Variants in ARHGAP21 observed in about 807,000 individuals in gnomAD.
The protein encoded by ARHGAP21 is rho GTPase-activating protein 21.
A neutral mutation model predicts 164.6 loss-of-function variants in ARHGAP21; 38 were observed. That is an observed-to-expected ratio of 0.23 (90% CI 0.18 to 0.30). The LOEUF (loss-of-function observed/expected upper bound fraction) is 0.30. Ranked by LOEUF, ARHGAP21 falls within the 10% of genes least tolerant of loss-of-function variation. The probability of loss-of-function intolerance (pLI) is 1.00; values close to 1 mark genes in which losing one functional copy is unlikely to be tolerated. For synonymous variants in ARHGAP21, 766 were observed against 857.9 expected, an observed-to-expected ratio of 0.89 and a Z score of 1.87; for missense variants, 1,822 against 2,370.7, an observed-to-expected ratio of 0.77 and a Z score of 4.81.
chr10:24,667,556 C>T lies in ARHGAP21; in HGVS notation c.244-547G>A, dbSNP rs578192269. 1.1e-4 allele frequency among the ~76,000 whole-genome samples: 16 copies of T among 152,286 alleles called. No homozygotes were observed. The South Asian group carries it at 3.3e-3, about 32-fold the overall frequency. On this transcript the variant is annotated intron_variant, in intron 3 of 25. Coordinates refer to ENST00000396432, the MANE Select transcript of ARHGAP21 (RefSeq NM_020824.4). ...GTCTCTTTCATTGTTACCAAGCTGT[C>T]TTGCTGCCATGTTATCTACCTCTAG...
chr10:24,664,470 C>T (rs904046256), intron 4 of ARHGAP21, among the ~76,000 whole-genome samples: 7 of 151,396 alleles, frequency 4.6e-5, no homozygotes, highest in Non-Finnish European at 7.4e-5. Flanking sequence ...GCAGGAGAAT[C>T]GCTTGAACCC....
chr10:24,680,133 T>TATCCAA (rs2131877839), intron 2 of ARHGAP21, among the ~76,000 whole-genome samples: 1 of 152,360 alleles, frequency 6.6e-6, no homozygotes, highest in Non-Finnish European at 1.5e-5. Context: ...AGATTGTGGC[T>TATCCAA]GGTTTACATC....
chr10:24,712,138 A>G (rs1844894182), intron 2 of ARHGAP21, among the ~76,000 whole-genome samples: 1 of 152,022 alleles, frequency 6.6e-6, no homozygotes, highest in African/African-American at 2.4e-5. Context: ...GTGGTCTCGA[A>G]CTCCTGACCT....
intron 4 of ARHGAP21, among the ~76,000 whole-genome samples, chr10:24,657,338 G>A (rs1418924441): frequency 6.1e-5 from 4 of 65,702 alleles, no homozygotes; most frequent in Admixed American, 2.3e-4. Context: ...CGCCCCGTCC[G>A]GGAGGTGAGG....
At chr10:24,596,412 T>TA (rs2076582884) in intron 17 of ARHGAP21, 2 of 479,864 alleles carry the variant, frequency 4.2e-6, no homozygotes, top group Non-Finnish European at 7.2e-6. Context: ...TATATGCACA[T>TA]ACATTTACAT....
At chr10:24,595,557 C>A (rs2076545291) in intron 19 of ARHGAP21, among the ~76,000 whole-genome samples, 160 bp downstream of exon 19, 1 of 152,152 alleles carries the variant, frequency 6.6e-6, no homozygotes, top group Non-Finnish European at 1.5e-5. Context: ...TTCACTGAAC[C>A]TAAATAACTT....
Position 24,670,256 on chromosome 10 carries a change from C to A in ARHGAP21, c.205G>T (p.Val69Phe). 6.3e-7 allele frequency: 1 copy of A among 1,598,260 alleles called. No individual in the cohort carries two copies. Among genetic ancestry groups the A allele is most frequent in the African/African-American group, 1.3e-5 (1 of 74,374 alleles). ...GFGFTLRHFI[V>F]YPPESAIQFS... Reference sequence around the variant, plus strand: ...TGAATTGCAGACTCTGGGGGATAAACAATAAAATGTCTTAATGTAAAACCA... The same window carrying A: ...TGAATTGCAGACTCTGGGGGATAAAAAATAAAATGTCTTAATGTAAAACCA... Residue 69 changes from valine to phenylalanine, a missense_variant, in exon 3 of 26, where the codon GTT becomes TTT. Around this residue, in one of 5 missense-constraint regions of ARHGAP21, gnomAD observed 1,090 missense variants for 1,378.9 expected, o/e 0.79. Coordinates refer to ENST00000396432, the MANE Select transcript of ARHGAP21 (RefSeq NM_020824.4).
chr10:24,604,593 A>G lies in ARHGAP21; in HGVS notation c.2685-245T>C, dbSNP rs570095823. 6.6e-5 allele frequency among the ~76,000 whole-genome samples: 10 copies of G among 152,072 alleles called. No homozygotes were observed. The East Asian group carries it at 1.9e-3, about 29-fold the overall frequency. Reference sequence around the variant, plus strand: ...AAATTGTTTCTGCTTGAAGTGTGGGATTTTCTTTTTTTTATCAAAGAAAAA... The same window carrying G: ...AAATTGTTTCTGCTTGAAGTGTGGGGTTTTCTTTTTTTTATCAAAGAAAAA... On this transcript the variant is annotated intron_variant, in intron 11 of 25. Coordinates refer to ENST00000396432, the MANE Select transcript of ARHGAP21 (RefSeq NM_020824.4).
At chr10:24,693,617 T>C (rs1842921937) in intron 2 of ARHGAP21, among the ~76,000 whole-genome samples, 1 of 152,058 alleles carries the variant, frequency 6.6e-6, no homozygotes, top group African/African-American at 2.4e-5. Flanking sequence ...CCTCCCAAAG[T>C]GCTGGGATTA....
Position 24,670,329 on chromosome 10 carries a change from G to A in ARHGAP21, c.132C>T (p.Ser44=). 1 of 1,608,788 alleles carries A rather than the reference G, an allele frequency of 6.2e-7. No individual in the cohort carries two copies. The highest frequency in any genetic ancestry group is 8.5e-7 in the Non-Finnish European group (1 of 1,176,902). ...TVSLSEDETF[S]WPGPKTVTLK... ...ACGTAACTGTTTTGGGACCTGGCCA[G>A]GAGAATGTTTCATCTTCAGACAGTG... The change falls in exon 3 of 26, where the codon TCC becomes TCT. Residue 44 remains serine, a synonymous_variant. Transcript: ENST00000396432.
At chr10:24,690,930 C>G (rs1842720475) in intron 2 of ARHGAP21, among the ~76,000 whole-genome samples, 1 of 151,262 alleles carries the variant, frequency 6.6e-6, no homozygotes, top group Non-Finnish European at 1.5e-5. Flanking sequence ...AAGGCAGATA[C>G]AATATAGTCT....
Position 24,584,575 on chromosome 10 carries a change from G to A in ARHGAP21, c.5714C>T (p.Ser1905Leu). ...TATGGAAAGAAGGGGCCTGTTTGTT[G>A]AAGCCAAGGTGCTGGAAGAACTGCC... ...NTGSSSSTLA[S>L]TNRPLLSIPP... Residue 1905 changes from serine (S) to leucine (L), a missense_variant, in exon 26 of 26, where the codon TCA becomes TTA. This residue lies in a region of ARHGAP21 where 165 missense variants were observed against 176.6 expected (regional missense o/e 0.93). Coordinates refer to ENST00000396432, the MANE Select transcript of ARHGAP21 (RefSeq NM_020824.4). 1 of 1,613,948 alleles carries A rather than the reference G, an allele frequency of 6.2e-7. No homozygotes were observed. The highest frequency in any genetic ancestry group is 1.1e-5 in the South Asian group (1 of 91,072).
At chr10:24,656,538 G>A (rs1393066093) in intron 4 of ARHGAP21, among the ~76,000 whole-genome samples, 59 of 90,430 alleles carry the variant, frequency 6.5e-4, no homozygotes, top group Non-Finnish European at 1.0e-3. Flanking sequence ...CCCCCCGCCC[G>A]GCCAGCCGCC....
chr10:24,699,987 T>C (rs1843511903), intron 2 of ARHGAP21, among the ~76,000 whole-genome samples: 1 of 152,144 alleles, frequency 6.6e-6, no homozygotes, highest in Non-Finnish European at 1.5e-5. Flanking sequence ...AGGTGTTTTT[T>C]TTCCTCCCCT....
chr10:24,655,367 C>T (rs1350925920), intron 4 of ARHGAP21, among the ~76,000 whole-genome samples: 1 of 152,164 alleles, frequency 6.6e-6, no homozygotes, highest in Non-Finnish European at 1.5e-5. Context: ...TTACAATCTA[C>T]CCATCTGACA....
intron 2 of ARHGAP21, among the ~76,000 whole-genome samples, chr10:24,721,534 T>G (rs765957022): frequency 1.3e-5 from 2 of 152,142 alleles, no homozygotes; most frequent in Non-Finnish European, 2.9e-5. Context: ...AGGTGCCCAT[T>G]CTCAGGCTTG....
intron 13 of ARHGAP21, among the ~76,000 whole-genome samples, 192 bp downstream of exon 13, chr10:24,601,786 A>T (rs2076824433): frequency 6.6e-6 from 1 of 152,218 alleles, no homozygotes; most frequent in Admixed American, 6.5e-5. Context: ...CAGGACAAAA[A>T]GTACCAAATT....
At chr10:24,597,754 A>G (rs1334366102) in intron 15 of ARHGAP21, among the ~76,000 whole-genome samples, 171 bp from the exon 16 acceptor site, 1 of 152,224 alleles carries the variant, frequency 6.6e-6, no homozygotes, top group Non-Finnish European at 1.5e-5. Context: ...TCATCCTTTC[A>G]TCCCGAGTAG....
intron 2 of ARHGAP21, among the ~76,000 whole-genome samples, chr10:24,717,517 G>C (rs866659954): frequency 1.3e-5 from 2 of 152,110 alleles, no homozygotes; most frequent in South Asian, 4.1e-4. Context: ...TGAGGAAGCA[G>C]TATTGAAGAA....
Sources: allele counts gnomAD v4.1 joint callset (sites outside exome capture counted in the v4.1 genomes callset), GRCh38; gene constraint gnomAD v4.1.1; regional missense constraint gnomAD v4.1.1; transcripts MANE v1.5; gene names NCBI Gene and HGNC (gene_info 2026-07-23, HGNC 2026-07-21).